ANK3: variants seen among roughly 807,000 people sequenced by gnomAD.
ANK3 encodes ankyrin-3.
In ANK3, 57 loss-of-function variants were observed where a neutral mutation model predicts 370.9. The ratio of observed to expected loss-of-function variants is 0.15; its 90% CI spans 0.12 to 0.19. The LOEUF (loss-of-function observed/expected upper bound fraction) is 0.19. Among genes scored for constraint, ANK3 ranks in the 10% least tolerant of loss-of-function variants. The pLI, the probability that ANK3 is intolerant of heterozygous loss-of-function variation, is 1.00. For synonymous variants in ANK3, 1,929 were observed against 1,946.3 expected (o/e 0.99, Z 0.23); for missense variants, 4,439 against 5,302.1 (o/e 0.84, Z 5.06).
exon 1 of ANK3, chr10:60,733,275 G>A: frequency 1.3e-5 from 16 of 1,238,710 alleles, no homozygotes; most frequent in African/African-American, 1.5e-5. Flanking sequence ...GGGCAGGAGC[G>A]GAGTCCTCGG....
At chr10:60,494,745 TTA>T (rs763485914) in intron 2 of ANK3, among the ~76,000 whole-genome samples, 4 of 152,220 alleles carry the variant, frequency 2.6e-5, no homozygotes, top group Non-Finnish European at 4.4e-5. Flanking sequence ...TTCAGGAATG[TTA>T]TATGTTTCTG....
intron 2 of ANK3, among the ~76,000 whole-genome samples, chr10:60,581,387 T>C (rs1183510442): frequency 6.6e-6 from 1 of 151,970 alleles, no homozygotes; most frequent in African/African-American, 2.4e-5. Flanking sequence ...GTATGTCTGC[T>C]TTTGAAAACT....
intron 1 of ANK3, among the ~76,000 whole-genome samples, chr10:60,635,571 T>C (rs1460650324): frequency 6.6e-6 from 1 of 152,138 alleles, no homozygotes; most frequent in Non-Finnish European, 1.5e-5. Flanking sequence ...ATTTCACATA[T>C]GACCTCTATA....
At chr10:60,539,132 T>TA (rs1005069506) in intron 2 of ANK3, among the ~76,000 whole-genome samples, 5 of 150,496 alleles carry the variant, frequency 3.3e-5, no homozygotes, top group African/African-American at 7.3e-5. Flanking sequence ...AGGATATGAG[T>TA]AAAAAAAAAT....
chr10:60,227,087 G>C (rs2097175586), intron 8 of ANK3, among the ~76,000 whole-genome samples: 1 of 151,864 alleles, frequency 6.6e-6, no homozygotes, highest in Admixed American at 6.6e-5. Flanking sequence ...GTCTGGGCCT[G>C]ATGGTAACAA....
intron 2 of ANK3, among the ~76,000 whole-genome samples, chr10:60,610,110 TAATAA>T (rs2078180976): frequency 6.6e-6 from 1 of 152,126 alleles, no homozygotes; most frequent in African/African-American, 2.4e-5. Flanking sequence ...ACTAATACTC[TAATAA>T]AATAATACCC....
intron 2 of ANK3, among the ~76,000 whole-genome samples, chr10:60,597,578 C>A (rs910869176): frequency 6.6e-6 from 1 of 152,166 alleles, no homozygotes; most frequent in East Asian, 1.9e-4. Context: ...TCCTTCACCT[C>A]CCCCAAGGCT....
intron 2 of ANK3, among the ~76,000 whole-genome samples, chr10:60,523,495 G>T (rs543430560): frequency 1.5e-3 from 229 of 148,842 alleles, no homozygotes; most frequent in Non-Finnish European, 2.8e-3. Context: ...GCGGTGTTTG[G>T]TTTTTTTGTC....
intron 1 of ANK3, among the ~76,000 whole-genome samples, chr10:60,634,356 TA>T (rs983036030): frequency 6.6e-6 from 1 of 151,888 alleles, no homozygotes; most frequent in Admixed American, 6.6e-5. Flanking sequence ...ATACCATGAG[TA>T]AAAAAATGAG....
chr10:60,226,521 T>G (rs539554280), intron 8 of ANK3, among the ~76,000 whole-genome samples: 1 of 87,162 alleles, frequency 1.1e-5, no homozygotes, highest in South Asian at 3.0e-4. Flanking sequence ...ATAGTATATA[T>G]ACTATAGTAT....
chr10:60,658,335 C>T (rs1316107569), intron 1 of ANK3, among the ~76,000 whole-genome samples: 4 of 151,600 alleles, frequency 2.6e-5, no homozygotes, highest in Admixed American at 6.6e-5. Flanking sequence ...TGGCTTTCTG[C>T]TGTATCTCTT....
In ANK3 at chr10:60,069,363, C is replaced by A. The variant is rs1409001811; in HGVS notation, c.11518G>T (p.Val3840Leu). ...CCAAGAACTTTCTGCTTATCTCTTACACAGTGTCCTTGTAGTACCCCTGTC... is the reference window on the plus strand; with the variant it reads ...CCAAGAACTTTCTGCTTATCTCTTAAACAGTGTCCTTGTAGTACCCCTGTC... ...KKTGVLQGHCVRDKQKVLGEQ... is the reference protein window; with the variant it reads ...KKTGVLQGHCLRDKQKVLGEQ... Residue 3840 changes from valine (V) to leucine (L), a missense_variant, in exon 37 of 44, where the codon GTA (valine) becomes TTA (leucine). Transcript: ENST00000280772. The A allele has an allele frequency of 1.2e-6, 2 of 1,613,956 alleles. No homozygotes were observed. Among genetic ancestry groups the A allele is most frequent in the African/African-American group, 2.7e-5 (2 of 74,880 alleles).
intron 2 of ANK3, among the ~76,000 whole-genome samples, chr10:60,501,804 A>C (rs549164916): frequency 6.6e-6 from 1 of 152,172 alleles, no homozygotes; most frequent in Admixed American, 6.5e-5. Context: ...TGAGACCCCA[A>C]GTCTACAAAA....
chr10:60,137,079 C>T (rs2094376661), intron 24 of ANK3, among the ~76,000 whole-genome samples: 1 of 152,086 alleles, frequency 6.6e-6, no homozygotes, highest in African/African-American at 2.4e-5. Flanking sequence ...TTAATTACTT[C>T]ATGCACTATA....
At chr10:60,733,251 C>G in intron 1 of ANK3, 8 of 1,240,608 alleles carry the variant, frequency 6.4e-6, no homozygotes, top group Non-Finnish European at 8.0e-6. Flanking sequence ...AGGGGGGCGG[C>G]GCGGCGCTCA....
Position 60,186,736 on chromosome 10 carries a change from C to A in ANK3, c.2064G>T (p.Ala688=). 1 of 1,613,994 alleles carries A rather than the reference C, an allele frequency of 6.2e-7. No individual in the cohort carries two copies. The highest frequency in any genetic ancestry group is 8.5e-7 in the Non-Finnish European group (1 of 1,179,932). The change falls in exon 17 of 44, where the codon GCG becomes GCT. Residue 688 remains alanine (A), a synonymous_variant. Transcript: ENST00000280772. ...TTACCTTATTGCTCAGGTTCACATT[C>A]GCATTTCTACCGAGGAGCAGCGACA... ...DMVSLLLGRN[A]NVNLSNKSGL... is the part of the protein sequence containing the mutation.
At chr10:60,431,111 A>T (rs1197869452) in intron 2 of ANK3, among the ~76,000 whole-genome samples, 1 of 152,176 alleles carries the variant, frequency 6.6e-6, no homozygotes, top group Admixed American at 6.5e-5. Flanking sequence ...AATACATTGT[A>T]ATATACAATG....
intron 2 of ANK3, among the ~76,000 whole-genome samples, chr10:60,397,143 T>A (rs2063258088): frequency 6.6e-6 from 1 of 151,474 alleles, no homozygotes; most frequent in Non-Finnish European, 1.5e-5. Flanking sequence ...AAGGATCTTA[T>A]CTCTAGAGAA....
chr10:60,398,967 C>T (rs1307880371), intron 2 of ANK3, among the ~76,000 whole-genome samples: 4 of 152,078 alleles, frequency 2.6e-5, no homozygotes, highest in Non-Finnish European at 1.5e-5. Context: ...CTATTATATA[C>T]GACACATATC....
Sources: allele counts gnomAD v4.1 joint callset (sites outside exome capture counted in the v4.1 genomes callset), GRCh38; gene constraint gnomAD v4.1.1; transcripts MANE v1.5; gene names NCBI Gene and HGNC (gene_info 2026-07-23, HGNC 2026-07-21).